CNTN5: variants seen among roughly 807,000 people sequenced by gnomAD.
CNTN5 encodes contactin-5.
Under a neutral mutation model 129.1 loss-of-function variants are expected in CNTN5, and 77 were observed. The observed-to-expected ratio is 0.60, with a 90% CI of 0.50 to 0.72. The LOEUF (loss-of-function observed/expected upper bound fraction) is 0.72. Ranked by LOEUF, CNTN5 falls within the 30% of genes least tolerant of loss-of-function variation. The probability of loss-of-function intolerance (pLI) is 0.00; values close to 1 mark genes in which losing one functional copy is unlikely to be tolerated. For synonymous variants in CNTN5, 509 were observed against 465.6 expected, an observed-to-expected ratio of 1.09 and a Z score of -1.20; for missense variants, 1,478 against 1,328.8, an observed-to-expected ratio of 1.11 and a Z score of -1.75.
intron 2 of CNTN5, among the ~76,000 whole-genome samples, chr11:99,363,873 G>A (rs1939281572): frequency 6.6e-6 from 1 of 151,984 alleles, no homozygotes; most frequent in African/African-American, 2.4e-5. Flanking sequence ...TTATCTTGAC[G>A]CTATCACTAG....
intron 21 of CNTN5, among the ~76,000 whole-genome samples, chr11:100,331,081 A>G (rs1439581166): frequency 6.6e-6 from 1 of 152,182 alleles, no homozygotes; most frequent in East Asian, 1.9e-4. Context: ...TGCTGTCCTC[A>G]GGAGACTTGC....
chr11:99,474,029 T>C (rs1233294560), intron 2 of CNTN5, among the ~76,000 whole-genome samples: 1 of 152,072 alleles, frequency 6.6e-6, no homozygotes, highest in African/African-American at 2.4e-5. Flanking sequence ...CTTGTTTACA[T>C]GGTGAGTAGT....
intron 8 of CNTN5, among the ~76,000 whole-genome samples, chr11:99,979,358 G>A (rs896650937): frequency 6.6e-6 from 1 of 152,138 alleles, no homozygotes; most frequent in Non-Finnish European, 1.5e-5. Flanking sequence ...TGACATTTGA[G>A]TACAGTGCTG....
At chr11:100,301,001 A>G (rs75587735) in intron 20 of CNTN5, among the ~76,000 whole-genome samples, 1 of 151,622 alleles carries the variant, frequency 6.6e-6, no homozygotes, top group Non-Finnish European at 1.5e-5. Context: ...AAATGATAGT[A>G]AGTGACAGAG....
At chr11:99,425,401 G>A (rs769882413) in intron 2 of CNTN5, among the ~76,000 whole-genome samples, 3 of 152,158 alleles carry the variant, frequency 2.0e-5, no homozygotes, top group Non-Finnish European at 2.9e-5. Flanking sequence ...CATCCATGGC[G>A]CCAAGGTTGT....
chr11:99,322,224 C>T (rs1242470461), intron 1 of CNTN5, among the ~76,000 whole-genome samples: 14 of 152,194 alleles, frequency 9.2e-5, no homozygotes, highest in South Asian at 2.1e-4. Context: ...AGCTTGCAGT[C>T]GGCGGCCTTA....
At position 99,634,222 on chromosome 11, in the gene CNTN5, G is replaced by A. The variant is rs574370615; in HGVS notation, c.55+77953G>A. Among the ~76,000 whole-genome samples, 117 of 152,264 alleles carry A rather than the reference G, an allele frequency of 7.7e-4. No individual in the cohort carries two copies. The South Asian group carries it at 0.024, about 31-fold the overall frequency. On this transcript the variant is annotated intron_variant, in intron 3 of 24. Coordinates refer to ENST00000524871, the MANE Select transcript of CNTN5 (RefSeq NM_014361.4). ...CCTGATTAACGTCTACACTTCATGGGTATTTAAAGATAAATGTGTACAACT... is the reference window on the plus strand; with the variant it reads ...CCTGATTAACGTCTACACTTCATGGATATTTAAAGATAAATGTGTACAACT...
intron 2 of CNTN5, among the ~76,000 whole-genome samples, chr11:99,382,854 T>A (rs1940673023): frequency 1.1e-5 from 1 of 88,476 alleles, no homozygotes; most frequent in Admixed American, 1.2e-4. Flanking sequence ...ACTTTTTTTT[T>A]TTTTTTTTTT....
intron 2 of CNTN5, among the ~76,000 whole-genome samples, chr11:99,524,649 T>G (rs1947416232): frequency 6.6e-6 from 1 of 151,854 alleles, no homozygotes; most frequent in Non-Finnish European, 1.5e-5. Flanking sequence ...CCATCTCTAC[T>G]AAAAATACAA....
intron 1 of CNTN5, among the ~76,000 whole-genome samples, chr11:99,074,226 T>TTG (rs1187567828): frequency 3.3e-5 from 5 of 151,190 alleles, no homozygotes; most frequent in South Asian, 2.1e-4. Flanking sequence ...GATGGAGTTG[T>TTG]TTTTTTTTCT....
chr11:99,663,983 G>A (rs550410958), intron 3 of CNTN5, among the ~76,000 whole-genome samples: 1 of 152,210 alleles, frequency 6.6e-6, no homozygotes, highest in South Asian at 2.1e-4. Flanking sequence ...AAACTCTGTT[G>A]TGTATATCTT....
intron 6 of CNTN5, among the ~76,000 whole-genome samples, chr11:99,864,490 G>A (rs2135783305): frequency 6.6e-6 from 1 of 152,076 alleles, no homozygotes; most frequent in East Asian, 1.9e-4. Flanking sequence ...TGCCACCTTG[G>A]ACTTGCTATA....
intron 1 of CNTN5, among the ~76,000 whole-genome samples, chr11:99,136,676 A>G (rs1208754573): frequency 1.3e-5 from 2 of 152,146 alleles, no homozygotes; most frequent in African/African-American, 2.4e-5. Flanking sequence ...GCTGCAGCTT[A>G]TCAGCTATCA....
At chr11:99,826,580 T>C (rs371359544) in intron 4 of CNTN5, among the ~76,000 whole-genome samples, 2 of 152,218 alleles carry the variant, frequency 1.3e-5, no homozygotes, top group East Asian at 1.9e-4. Flanking sequence ...GAAGTGATAC[T>C]GGATCTAAAA....
In CNTN5 at chr11:100,262,104, A is replaced by G. The variant is rs572296361; in HGVS notation, c.2164+6186A>G. On this transcript the variant is annotated intron_variant, in intron 17 of 24. Transcript: ENST00000524871. ...AAAGAACTTAAACAAATTTACAAGA[A>G]AAAAACAACCCCATCAAAAAGTGGG... 7.9e-5 allele frequency among the ~76,000 whole-genome samples: 12 copies of G among 152,318 alleles called. No individual in the cohort carries two copies. In the East Asian group the frequency reaches 2.1e-3, roughly 27 times the overall value.
chr11:99,334,117 C>G (rs1410200225), intron 2 of CNTN5, among the ~76,000 whole-genome samples: 1 of 146,382 alleles, frequency 6.8e-6, no homozygotes, highest in Admixed American at 7.0e-5. Flanking sequence ...GATAAAAATC[C>G]TGTCCTTTGC....
At chr11:99,622,178 C>T (rs889938491) in intron 3 of CNTN5, among the ~76,000 whole-genome samples, 1 of 152,168 alleles carries the variant, frequency 6.6e-6, no homozygotes, top group African/African-American at 2.4e-5. Context: ...ATGTAGAATT[C>T]AGCAAGTTAA....
At chr11:100,002,843 T>C (rs1939957737) in intron 9 of CNTN5, among the ~76,000 whole-genome samples, 1 of 128,772 alleles carries the variant, frequency 7.8e-6, no homozygotes, top group Non-Finnish European at 1.6e-5. Flanking sequence ...AACAGAGTGT[T>C]GTTTTCTTTT....
At chr11:99,203,116 A>G (rs1859298207) in intron 1 of CNTN5, among the ~76,000 whole-genome samples, 1 of 152,160 alleles carries the variant, frequency 6.6e-6, no homozygotes, top group Admixed American at 6.6e-5. Context: ...AAATCTTGCT[A>G]GGTAGTTTAC....
Sources: gnomAD v4.1 joint callset for allele counts (sites outside exome capture counted in the v4.1 genomes callset) on GRCh38, gnomAD v4.1.1 for gene constraint, MANE v1.5 for transcripts, NCBI Gene and HGNC (gene_info 2026-07-23, HGNC 2026-07-21) for gene names.